CEP63: variants seen among roughly 807,000 people sequenced by gnomAD.
The protein encoded by CEP63 is centrosomal protein 63, also known as centrosomal protein of 63 kDa.
Under a neutral mutation model 89.1 loss-of-function variants are expected in CEP63, and 84 were observed. The ratio of observed to expected loss-of-function variants is 0.94; its 90% CI spans 0.79 to 1.13. The LOEUF is 1.13. CEP63 is among the 50% of genes most tolerant of loss of function. The pLI, the probability that CEP63 is intolerant of heterozygous loss-of-function variation, is 0.00. For missense variants in CEP63, 838 were observed against 813.3 expected (o/e 1.03, Z -0.37); for synonymous variants, 267 against 272.5 (o/e 0.98, Z 0.20).
chr3:134,748,087 A>G, the CEP63 span, among the ~76,000 whole-genome samples: 4 of 152,018 alleles, frequency 2.6e-5, no homozygotes, highest in African/African-American at 9.7e-5. Context: ...CCCAGCCCCC[A>G]CTTTCTATCT....
chr3:134,619,927 A>C, the CEP63 span: 1 of 152,544 alleles, frequency 6.6e-6, no homozygotes, highest in East Asian at 1.9e-4. Context: ...GGGTCTCTCA[A>C]GTCCTCAGTT....
At chr3:134,739,532 G>T in the CEP63 span, among the ~76,000 whole-genome samples, 1 of 152,090 alleles carries the variant, frequency 6.6e-6, no homozygotes, top group Non-Finnish European at 1.5e-5. Flanking sequence ...CAGAAAAATT[G>T]ATAATGCACT....
At chr3:134,606,206 C>A in the CEP63 span, among the ~76,000 whole-genome samples, 5 of 152,122 alleles carry the variant, frequency 3.3e-5, no homozygotes, top group African/African-American at 1.2e-4. Flanking sequence ...AGCCCAGATC[C>A]CCCTGAGATT....
chr3:134,552,957 A>G (rs1955245493), intron 12 of CEP63: 1 of 152,162 alleles, frequency 6.6e-6, no homozygotes. Flanking sequence ...GTGAAACCAG[A>G]GAGAACATGA....
chr3:134,618,539 A>T, the CEP63 span, among the ~76,000 whole-genome samples: 1 of 57,022 alleles, frequency 1.8e-5, no homozygotes, highest in East Asian at 6.5e-4. Context: ...CCCTCCCCCC[A>T]CCCCACATCT....
chr3:134,675,531 T>C, the CEP63 span, among the ~76,000 whole-genome samples: 8 of 152,138 alleles, frequency 5.3e-5, no homozygotes, highest in African/African-American at 1.9e-4. Flanking sequence ...AATAAATGAA[T>C]TGGACTTTCT....
At chr3:134,544,423 A>G (rs1364430772) in intron 6 of CEP63, among the ~76,000 whole-genome samples, 3 of 152,198 alleles carry the variant, frequency 2.0e-5, no homozygotes, top group Non-Finnish European at 1.5e-5. Context: ...TTTGAGATGC[A>G]TTATATTTGT....
the CEP63 span, among the ~76,000 whole-genome samples, chr3:134,722,909 G>A: frequency 1.3e-5 from 2 of 152,206 alleles, no homozygotes; most frequent in Non-Finnish European, 2.9e-5. Flanking sequence ...GATAAAAACA[G>A]TGGAGCAGAG....
At chr3:134,725,820 A>G in the CEP63 span, among the ~76,000 whole-genome samples, 1 of 152,152 alleles carries the variant, frequency 6.6e-6, no homozygotes, top group African/African-American at 2.4e-5. Context: ...GCAGACAAGG[A>G]AAGACCCTGA....
At chr3:134,490,007 A>C (rs1185041392) in intron 1 of CEP63, among the ~76,000 whole-genome samples, 1 of 152,090 alleles carries the variant, frequency 6.6e-6, no homozygotes, top group African/African-American at 2.4e-5. Flanking sequence ...CTTTCTGGTA[A>C]ATAATTTTCC....
At chr3:134,606,232 A>G in the CEP63 span, among the ~76,000 whole-genome samples, 4 of 151,974 alleles carry the variant, frequency 2.6e-5, no homozygotes, top group African/African-American at 9.7e-5. Flanking sequence ...TTGATTGTGG[A>G]GCACCACCCA....
chr3:134,693,004 A>G, the CEP63 span, among the ~76,000 whole-genome samples: 1 of 152,306 alleles, frequency 6.6e-6, no homozygotes, highest in South Asian at 2.1e-4. Context: ...GCTGTTATAC[A>G]GGTGCCTGGT....
chr3:134,498,424 T>C (rs1028668476), intron 2 of CEP63, among the ~76,000 whole-genome samples: 1 of 152,230 alleles, frequency 6.6e-6, no homozygotes, highest in Non-Finnish European at 1.5e-5. Context: ...GCAACTTTAC[T>C]GAATTTCTTT....
chr3:134,725,180 G>T, the CEP63 span, among the ~76,000 whole-genome samples: 677 of 152,214 alleles, frequency 4.4e-3, 3 homozygotes, highest in African/African-American at 0.015. Flanking sequence ...ATACGAATTT[G>T]TCATCATTCT....
At chr3:134,777,352 G>A in the CEP63 span, among the ~76,000 whole-genome samples, 2 of 152,028 alleles carry the variant, frequency 1.3e-5, no homozygotes, top group Non-Finnish European at 2.9e-5. Flanking sequence ...TCTTCTCCTT[G>A]ATCAGCCACA....
At position 134,584,953 on chromosome 3, in the gene CEP63, AG is replaced by A. The variant is rs1187546668; in HGVS notation, c.1207-2502del. ...TTTATCCATTTCTTCTAGATTTTCT[AG>A]GGTTTTTTTTTTTTTTTTTTGCATG... is the stretch of plus-strand genomic sequence containing the variant. On this transcript the variant is annotated intron_variant, in intron 10 of 10. Transcript: ENST00000683931. Among the ~76,000 whole-genome samples the A allele has an allele frequency of 1.3e-3, 18 of 14,150 alleles. 1 individual carries two copies. Among genetic ancestry groups the A allele is most frequent in the Middle Eastern group, 0.033 (1 of 30 alleles). The allele number at this position is 14,150 out of a possible 152,430, so 9.3% of individuals were successfully genotyped here. A position where few individuals can be genotyped will look rare whatever the true frequency, so the allele number is the denominator to read the frequency against.
intron 10 of CEP63, 48 bp from the exon 11 acceptor site, chr3:134,550,015 A>G (rs773544556): frequency 1.5e-6 from 2 of 1,326,460 alleles, no homozygotes; most frequent in Non-Finnish European, 2.2e-6. Flanking sequence ...TATTCTATCT[A>G]AATGCTTTCT....
the CEP63 span, among the ~76,000 whole-genome samples, chr3:134,724,602 T>G: frequency 6.6e-6 from 1 of 152,212 alleles, no homozygotes; most frequent in Non-Finnish European, 1.5e-5. Context: ...GGGATTATCT[T>G]CTGGCTATTA....
At chr3:134,709,179 G>A in the CEP63 span, among the ~76,000 whole-genome samples, 34 of 152,286 alleles carry the variant, frequency 2.2e-4, no homozygotes, top group African/African-American at 7.9e-4. Context: ...AGAGGAGGCC[G>A]AGGAAGAGGA....
Sources: gnomAD v4.1 joint callset for allele counts (sites outside exome capture counted in the v4.1 genomes callset) on GRCh38, gnomAD v4.1.1 for gene constraint, MANE v1.5 for transcripts, NCBI Gene and HGNC (gene_info 2026-07-23, HGNC 2026-07-21) for gene names.